Variants in MTSS1 observed in about 807,000 individuals in gnomAD.
The protein encoded by MTSS1 is protein MTSS 1.
A neutral mutation model predicts 79.0 loss-of-function variants in MTSS1; 18 were observed. The observed-to-expected ratio is 0.23, with a 90% CI of 0.16 to 0.34. MTSS1 has a LOEUF of 0.34. Among genes scored for constraint, MTSS1 ranks in the 10% least tolerant of loss-of-function variants. The pLI is 1.00. For missense variants in MTSS1, 815 were observed against 986.2 expected (o/e 0.83, Z 2.33); for synonymous variants, 341 against 368.6 (o/e 0.93, Z 0.86).
intron 3 of MTSS1, among the ~76,000 whole-genome samples, chr8:124,650,019 C>T (rs188456635): frequency 1.9e-4 from 29 of 151,090 alleles, no homozygotes; most frequent in South Asian, 4.2e-4. Context: ...CCAACAGAAG[C>T]GCTGAAGAGC....
chr8:124,705,558 T>A (rs1200773455), intron 1 of MTSS1, among the ~76,000 whole-genome samples: 1 of 152,082 alleles, frequency 6.6e-6, no homozygotes, highest in Non-Finnish European at 1.5e-5. Flanking sequence ...AGAGCGTAAA[T>A]GTTATGAACC....
rs1822685116 is a variant in MTSS1 at position 124,664,481 on chromosome 8, C to T, written c.208+35045G>A. Among the ~76,000 whole-genome samples, 3 of 152,180 alleles carry T rather than the reference C, an allele frequency of 2.0e-5. No individual in the cohort carries two copies. The South Asian group carries it at 6.2e-4, about 32-fold the overall frequency. On this transcript the variant is annotated intron_variant, in intron 3 of 13. Coordinates refer to ENST00000518547, the MANE Select transcript of MTSS1 (RefSeq NM_014751.6). ...TCTTTAATCGTTGGGAGTATGTAGA[C>T]CAGAGTTTAGGAGCACACAAGATTA... is the stretch of plus-strand genomic sequence containing the variant.
chr8:124,558,978 G>T, intron 10 of MTSS1: 1 of 1,170,624 alleles, frequency 8.5e-7, no homozygotes, highest in Non-Finnish European at 1.1e-6. Context: ...ACAGAAGAGG[G>T]GAGGATGAGA....
intron 1 of MTSS1, among the ~76,000 whole-genome samples, chr8:124,713,355 T>A (rs1831444405): frequency 6.6e-6 from 1 of 152,236 alleles, no homozygotes; most frequent in Non-Finnish European, 1.5e-5. Flanking sequence ...TATGTATGTG[T>A]TCCATGCTCC....
chr8:124,718,370 G>A (rs1197830294), intron 1 of MTSS1, among the ~76,000 whole-genome samples: 2 of 151,920 alleles, frequency 1.3e-5, no homozygotes, highest in East Asian at 1.9e-4. Context: ...CCCGCTCCAG[G>A]TCAACTTCTG....
At chr8:124,615,017 T>C (rs1262956056) in intron 3 of MTSS1, among the ~76,000 whole-genome samples, 1 of 152,122 alleles carries the variant, frequency 6.6e-6, no homozygotes, top group Non-Finnish European at 1.5e-5. Flanking sequence ...ACAGTGTATG[T>C]TGGAGGTTCC....
intron 3 of MTSS1, among the ~76,000 whole-genome samples, chr8:124,606,551 G>A (rs1481030670): frequency 2.0e-5 from 3 of 152,136 alleles, no homozygotes; most frequent in Admixed American, 1.3e-4. Flanking sequence ...TTTACATCCA[G>A]GGCTGAGTCG....
chr8:124,613,623 T>C (rs1402575592), intron 3 of MTSS1, among the ~76,000 whole-genome samples: 1 of 152,186 alleles, frequency 6.6e-6, no homozygotes, highest in African/African-American at 2.4e-5. Flanking sequence ...CCTTCAAGCC[T>C]ATGGGGGCTG....
chr8:124,610,071 T>A (rs1016893686), intron 3 of MTSS1, among the ~76,000 whole-genome samples: 22 of 152,314 alleles, frequency 1.4e-4, no homozygotes, highest in African/African-American at 4.1e-4. Context: ...ATGTAACTGC[T>A]AATCTAATAA....
At chr8:124,665,902 C>T (rs1413012198) in intron 3 of MTSS1, among the ~76,000 whole-genome samples, 1 of 151,374 alleles carries the variant, frequency 6.6e-6, no homozygotes, top group Non-Finnish European at 1.5e-5. Context: ...CCCCCAGAGA[C>T]AGTCTACAGT....
intron 3 of MTSS1, among the ~76,000 whole-genome samples, chr8:124,593,758 AG>A (rs374763559): frequency 1.2e-4 from 19 of 152,342 alleles, no homozygotes; most frequent in African/African-American, 4.6e-4. Flanking sequence ...GATTTGTCCC[AG>A]GTTATGTCAC....
At chr8:124,577,125 T>G (rs976980246) in intron 6 of MTSS1, among the ~76,000 whole-genome samples, 1 of 152,260 alleles carries the variant, frequency 6.6e-6, no homozygotes, top group Non-Finnish European at 1.5e-5. Flanking sequence ...TTCACAGCTC[T>G]AGGCTTCTGG....
chr8:124,583,939 G>A (rs1364704487), intron 6 of MTSS1, among the ~76,000 whole-genome samples: 5 of 152,222 alleles, frequency 3.3e-5, no homozygotes, highest in Non-Finnish European at 7.3e-5. Flanking sequence ...ATACAAATCT[G>A]AGAAGCTCCA....
chr8:124,636,686 C>T (rs1817062335), intron 3 of MTSS1, among the ~76,000 whole-genome samples: 1 of 152,200 alleles, frequency 6.6e-6, no homozygotes, highest in Non-Finnish European at 1.5e-5. Flanking sequence ...CTTAGAGGTA[C>T]AGCTGACCAA....
At chr8:124,718,706 C>T (rs1049951894) in intron 1 of MTSS1, among the ~76,000 whole-genome samples, 6 of 152,192 alleles carry the variant, frequency 3.9e-5, no homozygotes, top group Non-Finnish European at 7.4e-5. Flanking sequence ...AATATCTGCC[C>T]GCTTCCTGCT....
chr8:124,593,485 G>A (rs1832216350), intron 3 of MTSS1, among the ~76,000 whole-genome samples: 2 of 152,220 alleles, frequency 1.3e-5, no homozygotes, highest in African/African-American at 4.8e-5. Flanking sequence ...GTTGTTCACA[G>A]CGTCAAAAGA....
At chr8:124,705,412 G>A (rs764587449) in intron 1 of MTSS1, among the ~76,000 whole-genome samples, 4 of 152,064 alleles carry the variant, frequency 2.6e-5, no homozygotes, top group Non-Finnish European at 4.4e-5. Context: ...TGGAGGTTAC[G>A]GTGAGCTGAG....
At chr8:124,621,567 C>T (rs1238268369) in intron 3 of MTSS1, among the ~76,000 whole-genome samples, 8 of 151,996 alleles carry the variant, frequency 5.3e-5, no homozygotes, top group Admixed American at 4.6e-4. Context: ...TTTTTTGAGA[C>T]GGCGTCTCGC....
chr8:124,714,739 T>C (rs79065459), intron 1 of MTSS1, among the ~76,000 whole-genome samples: 2,468 of 152,218 alleles, frequency 0.016, 70 homozygotes, highest in African/African-American at 0.057. Context: ...CTGGGATTGA[T>C]TACAGGCATG....
Sources: gnomAD v4.1 joint callset for allele counts (sites outside exome capture counted in the v4.1 genomes callset) on GRCh38, gnomAD v4.1.1 for gene constraint, MANE v1.5 for transcripts, NCBI Gene and HGNC (gene_info 2026-07-23, HGNC 2026-07-21) for gene names.